The following CSMD2 variants were observed in gnomAD, a reference collection of about 807,000 sequenced individuals.
CSMD2 encodes CUB and Sushi multiple domains 2, also known as CUB and sushi domain-containing protein 2.
A neutral mutation model predicts 398.5 loss-of-function variants in CSMD2; 130 were observed. The ratio of observed to expected loss-of-function variants is 0.33; its 90% confidence interval spans 0.28 to 0.38. The LOEUF (loss-of-function observed/expected upper bound fraction) is 0.38, where lower values mean the gene tolerates loss of function less well. CSMD2 is among the 10% of genes least tolerant of loss of function. The pLI, the probability that CSMD2 is intolerant of heterozygous loss-of-function variation, is 1.00. For synonymous variants in CSMD2, 1,828 were observed against 1,908.5 expected (o/e 0.96, Z 1.10); for missense variants, 3,829 against 4,764.9 (o/e 0.80, Z 5.78).
intron 44 of CSMD2, among the ~76,000 whole-genome samples, chr1:33,595,111 G>A (rs775620394): frequency 1.3e-5 from 2 of 152,238 alleles, no homozygotes; most frequent in South Asian, 2.1e-4. Context: ...CTGTTTTTCC[G>A]ATAAATTCCT....
At chr1:34,135,242 TCACACACA>T (rs66898227) in intron 1 of CSMD2, among the ~76,000 whole-genome samples, 1,430 of 135,584 alleles carry the variant, frequency 0.011, 5 homozygotes, top group Admixed American at 0.018. Flanking sequence ...CATGTTGAAA[TCACACACA>T]CACACACACA....
chr1:33,584,863 G>A (rs191996223), intron 46 of CSMD2, among the ~76,000 whole-genome samples: 1 of 152,206 alleles, frequency 6.6e-6, no homozygotes, highest in Admixed American at 6.5e-5. Context: ...TTCTAAGGAA[G>A]ACATTGAGCT....
At chr1:33,673,825 G>T (rs1644602201) in intron 25 of CSMD2, among the ~76,000 whole-genome samples, 2 of 152,162 alleles carry the variant, frequency 1.3e-5, no homozygotes, top group South Asian at 4.2e-4. Flanking sequence ...TTAAAGAAAA[G>T]AATTTTCAAC....
chr1:33,586,463 G>A (rs1248429486), intron 46 of CSMD2, 41 bp downstream of exon 46: 1 of 1,310,352 alleles, frequency 7.6e-7, no homozygotes, highest in Admixed American at 1.7e-5. Context: ...TGTTCAGGAG[G>A]AACTTCTAGG....
chr1:33,847,552 A>T (rs980223537), intron 5 of CSMD2, among the ~76,000 whole-genome samples: 1 of 152,038 alleles, frequency 6.6e-6, no homozygotes, highest in African/African-American at 2.4e-5. Context: ...AATAAGTAAG[A>T]AATCTTACGC....
intron 3 of CSMD2, among the ~76,000 whole-genome samples, chr1:34,022,755 G>A (rs976785495): frequency 6.6e-6 from 1 of 152,188 alleles, no homozygotes; most frequent in Non-Finnish European, 1.5e-5. Context: ...CATGCCGGAG[G>A]TTTTGATGGC....
At chr1:33,707,679 G>GCA (rs1255038795) in intron 22 of CSMD2, among the ~76,000 whole-genome samples, 2 of 102,774 alleles carry the variant, frequency 1.9e-5, no homozygotes, top group African/African-American at 3.7e-5. Flanking sequence ...ACGCACGCGT[G>GCA]CACACGCGCG....
intron 3 of CSMD2, among the ~76,000 whole-genome samples, chr1:33,936,407 T>A (rs547771522): frequency 6.8e-4 from 104 of 152,344 alleles, no homozygotes; most frequent in African/African-American, 2.4e-3. Context: ...CTTTCTTTCA[T>A]GTGTGATCCA....
At chr1:34,122,651 T>A (rs574902374) in intron 1 of CSMD2, among the ~76,000 whole-genome samples, 2 of 152,202 alleles carry the variant, frequency 1.3e-5, no homozygotes. Flanking sequence ...TTAATTTTCA[T>A]AGAGCCTCCT....
At chr1:34,001,819 G>A (rs1342625387) in intron 3 of CSMD2, among the ~76,000 whole-genome samples, 2 of 152,158 alleles carry the variant, frequency 1.3e-5, no homozygotes, top group Non-Finnish European at 2.9e-5. Flanking sequence ...AACCAGGAAA[G>A]GGAGTTTATG....
At chr1:33,570,223 A>C (rs903805203) in intron 51 of CSMD2, among the ~76,000 whole-genome samples, 2 of 143,346 alleles carry the variant, frequency 1.4e-5, no homozygotes, top group East Asian at 4.3e-4. Context: ...GCTGGAGTGC[A>C]GTGGCACAGT....
At chr1:33,608,999 C>T (rs752798060) in intron 41 of CSMD2, among the ~76,000 whole-genome samples, 7 of 152,198 alleles carry the variant, frequency 4.6e-5, no homozygotes, top group African/African-American at 1.7e-4. Flanking sequence ...GGCCATCCGA[C>T]GCGTCATGAC....
At chr1:33,965,125 T>C (rs1270409429) in intron 3 of CSMD2, among the ~76,000 whole-genome samples, 2 of 152,198 alleles carry the variant, frequency 1.3e-5, no homozygotes, top group African/African-American at 4.8e-5. Context: ...TGGTAAACCT[T>C]ATGGAGCTTG....
At chr1:33,975,590 ATAAGAT>A (rs944072892) in intron 3 of CSMD2, among the ~76,000 whole-genome samples, 3 of 151,922 alleles carry the variant, frequency 2.0e-5, no homozygotes, top group Non-Finnish European at 4.4e-5. Context: ...TCCTTCTGTA[ATAAGAT>A]TCCTGACAGC....
At chr1:33,937,639 C>T (rs186299828) in intron 3 of CSMD2, among the ~76,000 whole-genome samples, 80 of 152,318 alleles carry the variant, frequency 5.3e-4, no homozygotes, top group Non-Finnish European at 9.7e-4. Context: ...TGAGAGGAAA[C>T]AGCTCAGTGT....
intron 12 of CSMD2, among the ~76,000 whole-genome samples, chr1:33,787,245 G>A (rs987126790): frequency 6.6e-6 from 1 of 152,232 alleles, no homozygotes; most frequent in African/African-American, 2.4e-5. Flanking sequence ...GCTCCAGAAT[G>A]TGAGAGAATA....
chr1:34,103,623 C>T (rs775041999), intron 1 of CSMD2, among the ~76,000 whole-genome samples: 92 of 152,104 alleles, frequency 6.0e-4, no homozygotes, highest in Admixed American at 1.8e-3. Flanking sequence ...AATTTTATTT[C>T]CATCACCTAG....
In CSMD2 at chr1:34,038,778, TG is replaced by T. The variant is rs549358724; in HGVS notation, c.405-6073del. 9.8e-5 allele frequency among the ~76,000 whole-genome samples: 15 copies of T among 152,356 alleles called. No individual in the cohort carries two copies. The South Asian group carries it at 3.1e-3, about 32-fold the overall frequency. On this transcript the variant is annotated intron_variant, in intron 2 of 70. Coordinates refer to ENST00000373381, the MANE Select transcript of CSMD2 (RefSeq NM_001281956.2). ...GCAGGCAATAAGGGCATTAATTTCC[TG>T]TAGGGAATTTGAAATCAATAATAAA...
chr1:34,030,405 C>T (rs993433705), intron 3 of CSMD2, among the ~76,000 whole-genome samples: 3 of 152,178 alleles, frequency 2.0e-5, no homozygotes, highest in Non-Finnish European at 2.9e-5. Context: ...CACATGTCAA[C>T]GAATGGGCAT....
Sources: gnomAD v4.1 joint callset for allele counts (sites outside exome capture counted in the v4.1 genomes callset) on GRCh38, gnomAD v4.1.1 for gene constraint, MANE v1.5 for transcripts, NCBI Gene and HGNC (gene_info 2026-07-23, HGNC 2026-07-21) for gene names.